The following KIAA1958 variants were observed in gnomAD, a reference collection of about 807,000 sequenced individuals.
KIAA1958 encodes the protein KIAA1958, also known as uncharacterized protein KIAA1958.
A neutral mutation model predicts 47.2 loss-of-function variants in KIAA1958; 14 were observed. That is an observed-to-expected ratio of 0.30 (90% CI 0.20 to 0.46). KIAA1958 has a LOEUF of 0.46. Ranked by LOEUF, KIAA1958 falls within the 20% of genes least tolerant of loss-of-function variation. The pLI, the probability that KIAA1958 is intolerant of heterozygous loss-of-function variation, is 1.00. For synonymous variants in KIAA1958, 354 were observed against 353.3 expected (o/e 1.00, Z -0.02); for missense variants, 803 against 909.2 (o/e 0.88, Z 1.50).
intron 3 of KIAA1958, 114 bp from the exon 4 acceptor site, chr9:112,659,149 C>A: frequency 2.4e-6 from 2 of 817,392 alleles, no homozygotes; most frequent in South Asian, 3.3e-5. Context: ...CCATTGTGTC[C>A]TGCTAAGGGG....
intron 1 of KIAA1958, among the ~76,000 whole-genome samples, chr9:112,567,947 G>A (rs950771047): frequency 2.4e-4 from 24 of 101,012 alleles, no homozygotes; most frequent in Admixed American, 1.2e-3. Flanking sequence ...GCGACAGAGC[G>A]AGAATCCATC....
chr9:112,528,806 AC>A (rs1834704514), intron 1 of KIAA1958, among the ~76,000 whole-genome samples: 1 of 152,186 alleles, frequency 6.6e-6, no homozygotes, highest in African/African-American at 2.4e-5. Context: ...GGTGTGAGCT[AC>A]CGCACTCGGC....
At chr9:112,604,413 G>A (rs1836189026) in intron 2 of KIAA1958, among the ~76,000 whole-genome samples, 1 of 152,182 alleles carries the variant, frequency 6.6e-6, no homozygotes, top group Admixed American at 6.5e-5. Flanking sequence ...TTTTCACTGT[G>A]CTGGATTTTG....
At chr9:112,617,189 A>G (rs1215240963) in intron 2 of KIAA1958, among the ~76,000 whole-genome samples, 1 of 152,220 alleles carries the variant, frequency 6.6e-6, no homozygotes, top group East Asian at 1.9e-4. Context: ...GCCTAATTCA[A>G]ATGTAACTGT....
intron 1 of KIAA1958, among the ~76,000 whole-genome samples, chr9:112,527,471 T>C (rs1424978454): frequency 6.6e-6 from 1 of 152,146 alleles, no homozygotes; most frequent in Admixed American, 6.5e-5. Context: ...AAAGCAGGAA[T>C]GTGATTGTTT....
intron 3 of KIAA1958, among the ~76,000 whole-genome samples, 187 bp downstream of exon 3, chr9:112,646,009 T>C (rs930117217): frequency 6.6e-6 from 1 of 151,712 alleles, no homozygotes; most frequent in Non-Finnish European, 1.5e-5. Flanking sequence ...AATTTATAGA[T>C]TGGAAATGCC....
intron 1 of KIAA1958, among the ~76,000 whole-genome samples, chr9:112,566,917 A>G (rs1282093445): frequency 6.6e-6 from 1 of 152,222 alleles, no homozygotes; most frequent in Non-Finnish European, 1.5e-5. Flanking sequence ...TGTTTAAATT[A>G]CATGGCAGTA....
intron 2 of KIAA1958, among the ~76,000 whole-genome samples, chr9:112,632,333 AATAT>A (rs137953550): frequency 6.7e-6 from 1 of 149,706 alleles, no homozygotes; most frequent in African/African-American, 2.4e-5. Flanking sequence ...ACCACATGTA[AATAT>A]ATATATATAT....
chr9:112,617,154 C>T (rs1040035953), intron 2 of KIAA1958, among the ~76,000 whole-genome samples: 11 of 152,204 alleles, frequency 7.2e-5, no homozygotes, highest in Admixed American at 6.5e-5. Context: ...AGACATACCC[C>T]CTTTTTTACA....
intron 1 of KIAA1958, among the ~76,000 whole-genome samples, chr9:112,543,691 G>A (rs917070941): frequency 2.0e-5 from 3 of 151,194 alleles, no homozygotes; most frequent in African/African-American, 7.3e-5. Context: ...TCCTGCCTCA[G>A]CCTTCCTGAG....
intron 1 of KIAA1958, among the ~76,000 whole-genome samples, chr9:112,506,095 A>C (rs1834230890): frequency 6.6e-6 from 1 of 152,170 alleles, no homozygotes; most frequent in African/African-American, 2.4e-5. Context: ...CTATAGGGTA[A>C]AGCTTTTGGT....
At chr9:112,588,332 T>C (rs1478164008) in intron 2 of KIAA1958, among the ~76,000 whole-genome samples, 6 of 152,208 alleles carry the variant, frequency 3.9e-5, no homozygotes, top group Admixed American at 3.3e-4. Context: ...AGAATGTTTC[T>C]AAGGGTTGTT....
chr9:112,608,770 G>C (rs780012327), intron 2 of KIAA1958, among the ~76,000 whole-genome samples: 26 of 152,160 alleles, frequency 1.7e-4, no homozygotes, highest in Middle Eastern at 3.4e-3. Flanking sequence ...TGGGTGGGGT[G>C]GCATGCACCT....
Position 112,656,878 on chromosome 9 carries a change from T to C in KIAA1958, c.1345-2385T>C, listed in dbSNP as rs551641904. Reference sequence around the variant, plus strand: ...AATATGTATAAAGTATGTGATGTTCTTTCATATTCTTTACTCTCTTCATTT... The same window carrying C: ...AATATGTATAAAGTATGTGATGTTCCTTCATATTCTTTACTCTCTTCATTT... On this transcript the variant is annotated intron_variant, in intron 3 of 3. Transcript: ENST00000337530. Among the ~76,000 whole-genome samples, 13 of 152,310 alleles carry C rather than the reference T, an allele frequency of 8.5e-5. No individual in the cohort carries two copies. In the South Asian group the frequency reaches 2.7e-3, roughly 32 times the overall value.
intron 1 of KIAA1958, among the ~76,000 whole-genome samples, chr9:112,549,243 A>T (rs1835096895): frequency 6.6e-6 from 1 of 152,220 alleles, no homozygotes; most frequent in Non-Finnish European, 1.5e-5. Flanking sequence ...CAGTAATGGC[A>T]TTGTGGAAAA....
intron 1 of KIAA1958, among the ~76,000 whole-genome samples, chr9:112,519,279 CAT>C (rs920847059): frequency 3.0e-4 from 45 of 152,218 alleles, no homozygotes; most frequent in Admixed American, 5.2e-4. Flanking sequence ...CTCTATGAAA[CAT>C]GTGTTTTTAC....
chr9:112,600,265 T>C (rs975006272), intron 2 of KIAA1958, among the ~76,000 whole-genome samples: 2 of 152,142 alleles, frequency 1.3e-5, no homozygotes, highest in Admixed American at 1.3e-4. Context: ...CCTTTTTGTG[T>C]CTTGGTAGAT....
Position 112,511,535 on chromosome 9 carries a change from G to GA in KIAA1958, c.-25+24418dup, listed in dbSNP as rs1834325735. 3.3e-5 allele frequency among the ~76,000 whole-genome samples: 5 copies of GA among 152,312 alleles called. No individual in the cohort carries two copies. The South Asian group carries it at 1.0e-3, about 32-fold the overall frequency. The stretch of plus-strand genomic sequence containing the variant: ...TCTAAGCTACATAAAGAAGTGAGGA[G>GA]AGGGCATCAAAATTTGTGGGATATA... On this transcript the variant is annotated intron_variant, in intron 1 of 3. Coordinates refer to ENST00000337530, the MANE Select transcript of KIAA1958 (RefSeq NM_133465.4).
At chr9:112,546,797 A>C (rs6477953) in intron 1 of KIAA1958, among the ~76,000 whole-genome samples, 145,320 of 152,226 alleles carry the variant, frequency 0.95, 69,434 homozygotes, top group African/African-American at 0.99. Context: ...TGTGTAATTT[A>C]ATCATGGTTA....
Sources: allele counts gnomAD v4.1 joint callset (sites outside exome capture counted in the v4.1 genomes callset), GRCh38; gene constraint gnomAD v4.1.1; transcripts MANE v1.5; gene names NCBI Gene and HGNC (gene_info 2026-07-23, HGNC 2026-07-21).